The following TCF12 variants were observed in gnomAD, a reference collection of about 807,000 sequenced individuals.
The protein encoded by TCF12 is transcription factor 12, also known as DNA-binding protein HTF4.
Under a neutral mutation model 86.0 loss-of-function variants are expected in TCF12, and 45 were observed. The ratio of observed to expected loss-of-function variants is 0.52; its 90% CI spans 0.41 to 0.67. TCF12 has a LOEUF of 0.67. TCF12 is among the 30% of genes least tolerant of loss of function. The probability of loss-of-function intolerance (pLI) is 0.00; values close to 1 mark genes in which losing one functional copy is unlikely to be tolerated. For missense variants in TCF12, 881 were observed against 859.9 expected, an observed-to-expected ratio of 1.02 and a Z score of -0.31; for synonymous variants, 330 against 299.6, an observed-to-expected ratio of 1.10 and a Z score of -1.05.
intron 3 of TCF12, among the ~76,000 whole-genome samples, chr15:57,022,455 C>CT (rs1480374302): frequency 3.3e-5 from 5 of 152,180 alleles, no homozygotes; most frequent in Admixed American, 3.3e-4. Context: ...TTTTCTTAAT[C>CT]TAGTCTATCA....
At chr15:57,124,967 C>A (rs1355094049) in intron 5 of TCF12, among the ~76,000 whole-genome samples, 3 of 152,180 alleles carry the variant, frequency 2.0e-5, no homozygotes, top group African/African-American at 7.2e-5. Flanking sequence ...CCACCGCACC[C>A]AGCCAAAAAT....
At chr15:57,150,573 A>G (rs1313879127) in intron 5 of TCF12, among the ~76,000 whole-genome samples, 1 of 152,160 alleles carries the variant, frequency 6.6e-6, no homozygotes, top group Non-Finnish European at 1.5e-5. Context: ...CTAGCACCCA[A>G]AAATATAAAC....
At chr15:57,010,581 C>G (rs1306793222) in intron 3 of TCF12, among the ~76,000 whole-genome samples, 1 of 152,118 alleles carries the variant, frequency 6.6e-6, no homozygotes, top group African/African-American at 2.4e-5. Flanking sequence ...GAGCTGATCT[C>G]TTTTGTAGGA....
At chr15:57,186,990 G>A (rs2056703426) in intron 6 of TCF12, among the ~76,000 whole-genome samples, 1 of 152,130 alleles carries the variant, frequency 6.6e-6, no homozygotes, top group African/African-American at 2.4e-5. Context: ...AGACCAGCAT[G>A]GCCAACATGA....
chr15:57,263,189 C>G lies in TCF12; in HGVS notation c.1660C>G (p.His554Asp), dbSNP rs2060669590. 6.2e-7 allele frequency: 1 copy of G among 1,613,306 alleles called. No homozygotes were observed. The highest frequency in any genetic ancestry group is 1.7e-5 in the Admixed American group (1 of 59,848). ...TENKEKDENL[H>D]EPPSSDDMKS... ...AAACAAAGAAAAGGATGAAAACCTTCATGAACCTCCTTCATCAGATGACAT... is the reference window on the plus strand; with the variant it reads ...AAACAAAGAAAAGGATGAAAACCTTGATGAACCTCCTTCATCAGATGACAT... The change falls in exon 18 of 21, where the codon CAT becomes GAT. Residue 554 changes from histidine (H) to aspartate (D), a missense_variant. This residue lies in a region of TCF12 where 766 missense variants were observed against 718.9 expected (regional missense o/e 1.07). Coordinates refer to ENST00000333725, the MANE Select transcript of TCF12 (RefSeq NM_207037.2).
At chr15:56,974,718 G>A (rs1264727455) in intron 3 of TCF12, among the ~76,000 whole-genome samples, 1 of 152,030 alleles carries the variant, frequency 6.6e-6, no homozygotes, top group African/African-American at 2.4e-5. Context: ...TGGAAGACTG[G>A]TCTGTAGTTG....
At chr15:57,226,500 C>T (rs1343417688) in intron 8 of TCF12, among the ~76,000 whole-genome samples, 3 of 152,092 alleles carry the variant, frequency 2.0e-5, no homozygotes, top group African/African-American at 7.2e-5. Flanking sequence ...TTTAATGATA[C>T]TGAACATATG....
intron 4 of TCF12, among the ~76,000 whole-genome samples, chr15:57,080,212 C>G (rs2070504499): frequency 6.6e-6 from 1 of 152,178 alleles, no homozygotes; most frequent in Non-Finnish European, 1.5e-5. Context: ...TTTTGTATAT[C>G]TAATGTACTC....
chr15:56,959,000 A>G (rs542777118), intron 3 of TCF12, among the ~76,000 whole-genome samples: 1 of 152,320 alleles, frequency 6.6e-6, no homozygotes, highest in Admixed American at 6.5e-5. Flanking sequence ...GCTGTCTTCT[A>G]CAGCAGTGAG....
chr15:57,267,986 C>T (rs546335709), intron 18 of TCF12, among the ~76,000 whole-genome samples: 1 of 152,278 alleles, frequency 6.6e-6, no homozygotes, highest in East Asian at 1.9e-4. Flanking sequence ...AATAAAGATA[C>T]TATATCTACT....
chr15:57,025,068 G>A (rs1482544041), intron 3 of TCF12, among the ~76,000 whole-genome samples: 1 of 149,998 alleles, frequency 6.7e-6, no homozygotes, highest in African/African-American at 2.4e-5. Context: ...TTATAAGTTT[G>A]TGTCCCCGCT....
At chr15:56,972,493 A>G (rs564710344) in intron 3 of TCF12, among the ~76,000 whole-genome samples, 1 of 152,324 alleles carries the variant, frequency 6.6e-6, no homozygotes, top group South Asian at 2.1e-4. Flanking sequence ...GGATTGTGTG[A>G]TTAAGTACAG....
intron 5 of TCF12, among the ~76,000 whole-genome samples, chr15:57,103,768 A>T (rs1435335233): frequency 6.6e-6 from 1 of 152,084 alleles, no homozygotes; most frequent in East Asian, 1.9e-4. Context: ...TACCTTTCAG[A>T]CTGGGAGAGG....
chr15:56,975,721 C>A (rs1426114930), intron 3 of TCF12, among the ~76,000 whole-genome samples: 1 of 151,864 alleles, frequency 6.6e-6, no homozygotes, highest in Non-Finnish European at 1.5e-5. Flanking sequence ...AACAGATAGC[C>A]AATTACAAGT....
intron 8 of TCF12, among the ~76,000 whole-genome samples, chr15:57,225,732 T>C (rs1402128658): frequency 6.6e-6 from 1 of 152,194 alleles, no homozygotes; most frequent in Non-Finnish European, 1.5e-5. Flanking sequence ...CAAAATTTTA[T>C]TTACTCTTCT....
intron 13 of TCF12, chr15:57,247,771 C>G (rs1434048858): frequency 1.3e-6 from 1 of 743,938 alleles, no homozygotes; most frequent in Non-Finnish European, 2.5e-6. Flanking sequence ...GTCTAGCACA[C>G]CTTGCTGCCT....
chr15:56,977,164 G>A (rs1414707199), intron 3 of TCF12, among the ~76,000 whole-genome samples: 1 of 152,126 alleles, frequency 6.6e-6, no homozygotes, highest in Non-Finnish European at 1.5e-5. Flanking sequence ...GCTTTTGGAG[G>A]ACAGAAGTTC....
At chr15:56,919,856 G>A (rs2059699270) in intron 1 of TCF12, 36 bp from the exon 2 acceptor site, 1 of 1,592,920 alleles carries the variant, frequency 6.3e-7, no homozygotes, top group African/African-American at 1.3e-5. Context: ...TTTGGGCCTC[G>A]GTGGTCTCTC....
intron 3 of TCF12, among the ~76,000 whole-genome samples, chr15:57,062,147 G>C (rs758555004): frequency 6.6e-6 from 1 of 152,004 alleles, no homozygotes; most frequent in African/African-American, 2.4e-5. Flanking sequence ...TAGTAGAGAC[G>C]GGGTTTCTCC....
Sources: allele counts gnomAD v4.1 joint callset (sites outside exome capture counted in the v4.1 genomes callset), GRCh38; gene constraint gnomAD v4.1.1; regional missense constraint gnomAD v4.1.1; transcripts MANE v1.5; gene names NCBI Gene and HGNC (gene_info 2026-07-23, HGNC 2026-07-21).